Variants in TBL3 observed in about 807,000 individuals in gnomAD.
TBL3 encodes transducin beta like 3, also known as transducin beta-like protein 3.
Under a neutral mutation model 102.7 loss-of-function variants are expected in TBL3, and 71 were observed. The observed-to-expected ratio is 0.69, with a 90% CI of 0.57 to 0.84. The LOEUF is 0.84. Among genes scored for constraint, TBL3 ranks in the 40% least tolerant of loss-of-function variants. TBL3 has a pLI of 0.00. For synonymous variants in TBL3, 578 were observed against 477.7 expected, an observed-to-expected ratio of 1.21 and a Z score of -2.74; for missense variants, 1,188 against 1,098.5, an observed-to-expected ratio of 1.08 and a Z score of -1.15.
At chr16:1,973,140 G>A (rs1203210060) in intron 1 of TBL3, among the ~76,000 whole-genome samples, 4 of 152,204 alleles carry the variant, frequency 2.6e-5, no homozygotes, top group East Asian at 3.9e-4. Flanking sequence ...TGGCAGCAGG[G>A]TTAAGAGGTA....
Position 1,975,701 on chromosome 16 carries a change from G to A in TBL3, c.978G>A (p.Leu326=), listed in dbSNP as rs2083395439. ...LLLYEARSLR[L]QKQFAGYSEE... ...TCTACGAGGCTCGCTCCCTGCGGCTGCAGAAACAGGTGCACACCTGCCCTT... is the reference window on the plus strand; with the variant it reads ...TCTACGAGGCTCGCTCCCTGCGGCTACAGAAACAGGTGCACACCTGCCCTT... Residue 326 remains leucine, a synonymous_variant, in exon 10 of 22, where the codon CTG becomes CTA. Coordinates refer to ENST00000568546, the MANE Select transcript of TBL3 (RefSeq NM_006453.3). 34 of 1,611,876 alleles carry A rather than the reference G, an allele frequency of 2.1e-5. No individual in the cohort carries two copies. Among genetic ancestry groups the A allele is most frequent in the Non-Finnish European group, 2.7e-5 (32 of 1,179,510 alleles).
intron 6 of TBL3, 28 bp from the exon 7 acceptor site, chr16:1,974,900 T>C: frequency 6.2e-7 from 1 of 1,612,456 alleles, no homozygotes. Flanking sequence ...GCTGCACAGC[T>C]CACCCATCCT....
rs1337151452 is a variant in TBL3, at chr16:1,979,195, T to TG, written c.*516dup. 4.2e-6 allele frequency: 6 copies of TG among 1,412,202 alleles called. No homozygotes were observed. The highest frequency in any genetic ancestry group is 5.3e-5 in the Admixed American group (2 of 37,392). 87.5% of individuals were successfully genotyped at this position (1,412,202 alleles called of 1,614,324 possible). ...CCCGGCGAAGGTCGGGTGGGCACGGTGGGGGGAGGGGCGGTGGCCTGGGAG... is the reference window on the plus strand; with the variant it reads ...CCCGGCGAAGGTCGGGTGGGCACGGTGGGGGGGAGGGGCGGTGGCCTGGGAG... On this transcript the variant is annotated 3_prime_UTR_variant, in exon 22 of 22. Transcript: ENST00000568546.
chr16:1,975,012 G>C lies in TBL3; in HGVS notation c.549G>C (p.Gln183His). The C allele has an allele frequency of 6.2e-7, 1 of 1,607,254 alleles. No individual in the cohort carries two copies. The highest frequency in any genetic ancestry group is 8.5e-7 in the Non-Finnish European group (1 of 1,179,978). Residue 183 changes from glutamine to histidine, a missense_variant, in exon 7 of 22, where the codon CAG becomes CAC. Physicochemically the swap from Gln to His is conservative, Grantham distance 24 (BLOSUM62 0). Coordinates refer to ENST00000568546, the MANE Select transcript of TBL3 (RefSeq NM_006453.3). ...TDAAIRVWSLQDRSCLAVLTA... is the reference protein window; with the variant it reads ...TDAAIRVWSLHDRSCLAVLTA... ...CCGCCATCCGCGTGTGGTCACTGCAGGACCGGTCATGCCTGGCTGTGCTGA... is the reference window on the plus strand; with the variant it reads ...CCGCCATCCGCGTGTGGTCACTGCACGACCGGTCATGCCTGGCTGTGCTGA...
rs2083432354 is a variant in TBL3, at chr16:1,978,912, G to GA, written c.*227_*228insA. The GA allele has an allele frequency of 1.8e-6, 2 of 1,103,740 alleles. No individual in the cohort carries two copies. Among genetic ancestry groups the GA allele is most frequent in the African/African-American group, 1.6e-5 (1 of 62,756 alleles). 68.4% of individuals were successfully genotyped at this position (1,103,740 alleles called of 1,614,324 possible). On this transcript the variant is annotated 3_prime_UTR_variant, in exon 22 of 22. Transcript: ENST00000568546. ...CCGCGGCTCCGCACGCTTAGACGGTGGGGGTCATGCAGAACAAGCTTTACT... is the reference window on the plus strand; with the variant it reads ...CCGCGGCTCCGCACGCTTAGACGGTGAGGGGTCATGCAGAACAAGCTTTACT...
At chr16:1,976,377 G>C in intron 13 of TBL3, 63 bp downstream of exon 13, 3 of 1,436,696 alleles carry the variant, frequency 2.1e-6, no homozygotes, top group South Asian at 1.2e-5. Context: ...TGCCAGCAGG[G>C]CTGCCGCTCA....
At chr16:1,977,830 G>C (rs367805747) in intron 18 of TBL3, 30 bp downstream of exon 18, 5 of 1,561,256 alleles carry the variant, frequency 3.2e-6, no homozygotes, top group Non-Finnish European at 4.3e-6. Flanking sequence ...GCCCCTCCCC[G>C]CATCAGCCCT....
rs2083525683 is a variant in TBL3 at position 1,982,669 on chromosome 16, A to G, written c.*3984A>G. The G allele has an allele frequency of 6.6e-6, 1 of 152,264 alleles. No individual in the cohort carries two copies. The highest frequency in any genetic ancestry group is 2.4e-5 in the African/African-American group (1 of 41,400). The allele number at this position is 152,264 out of a possible 1,614,324, so 9.4% of individuals were successfully genotyped here. A position where few individuals can be genotyped will look rare whatever the true frequency, so the allele number is the denominator to read the frequency against. On this transcript the variant is annotated 3_prime_UTR_variant, in exon 22 of 22. Coordinates refer to ENST00000568546, the MANE Select transcript of TBL3 (RefSeq NM_006453.3). ...AGACACAGTGCCTCACCTGTAATCCAAGTACTTTGGGAGGCCGAGGCAGGG... is the reference window on the plus strand; with the variant it reads ...AGACACAGTGCCTCACCTGTAATCCGAGTACTTTGGGAGGCCGAGGCAGGG...
chr16:1,977,875 A>C, intron 18 of TBL3, 75 bp downstream of exon 18: 1 of 1,594,716 alleles, frequency 6.3e-7, no homozygotes, highest in Non-Finnish European at 8.5e-7. Context: ...GCTGAGTGCC[A>C]GGCTCCCTGC....
At position 1,975,189 on chromosome 16, in the gene TBL3, C is replaced by T; in HGVS notation, c.638C>T (p.Ser213Phe). The T allele has an allele frequency of 6.2e-7, 1 of 1,613,820 alleles. No individual in the cohort carries two copies. The highest frequency in any genetic ancestry group is 8.5e-7 in the Non-Finnish European group (1 of 1,180,028). Residue 213 changes from serine to phenylalanine, a missense_variant and splice_region_variant, in exon 8 of 22, where the codon TCC (serine) becomes TTC (phenylalanine). By Grantham distance (155) the Ser-to-Phe change is radical. Coordinates refer to ENST00000568546, the MANE Select transcript of TBL3 (RefSeq NM_006453.3). The part of the protein sequence containing the change: ...FSADGHTMLS[S>F]GRDKICIIWD... ...TGAGGTTGCCGTTGCTCCTTCAGCT[C>T]CGGCCGTGACAAGATATGTATCATC... is the stretch of plus-strand genomic sequence containing the variant.
rs199832489 is a variant in TBL3 at position 1,974,434 on chromosome 16, C to T, written c.237+11C>T. On this transcript the variant is annotated intron_variant, in intron 4 of 21. Coordinates refer to ENST00000568546, the MANE Select transcript of TBL3 (RefSeq NM_006453.3). Reference sequence around the variant, plus strand: ...AGCCCTGACAACGAGGTATGTGGGGCGGGGCCTGGAGGGGACCCGCTCCAG... The same window carrying T: ...AGCCCTGACAACGAGGTATGTGGGGTGGGGCCTGGAGGGGACCCGCTCCAG... 1,127 of 1,605,520 alleles carry T rather than the reference C, an allele frequency of 7.0e-4. 2 individuals are homozygous for T. Among genetic ancestry groups the T allele is most frequent in the Non-Finnish European group, 7.1e-4 (840 of 1,175,798 alleles).
rs1338332399 is a variant in TBL3, at chr16:1,980,179, C to CGGCTGGGAAG, written c.*1498_*1507dup. ...CTCCTCTGGGGTGGGCAGGATCACC[C>CGGCTGGGAAG]GGCTGGGAAGGGCAGCCCGTACGAG... On this transcript the variant is annotated 3_prime_UTR_variant, in exon 22 of 22. Coordinates refer to ENST00000568546, the MANE Select transcript of TBL3 (RefSeq NM_006453.3). 1 of 1,597,874 alleles carries CGGCTGGGAAG rather than the reference C, an allele frequency of 6.3e-7. No individual in the cohort carries two copies. The highest frequency in any genetic ancestry group is 8.5e-7 in the Non-Finnish European group (1 of 1,175,268).
rs773212371 is a variant in TBL3, at chr16:1,975,456, A to G, written c.805+18A>G. Reference sequence around the variant, plus strand: ...CGACCAAGGTGTGTTGGGCCGGGACATGGGCAGGCGGTAGGGGCTGGGGAA... The same window carrying G: ...CGACCAAGGTGTGTTGGGCCGGGACGTGGGCAGGCGGTAGGGGCTGGGGAA... On this transcript the variant is annotated intron_variant, in intron 9 of 21. Transcript: ENST00000568546. 43 of 1,612,034 alleles carry G rather than the reference A, an allele frequency of 2.7e-5. No homozygotes were observed. In the South Asian group the frequency reaches 4.5e-4, roughly 17 times the overall value.
rs1451324618 is a variant in TBL3 at position 1,979,902 on chromosome 16, G to T, written c.*1217G>T. The T allele has an allele frequency of 1.9e-6, 3 of 1,582,778 alleles. No homozygotes were observed. Among genetic ancestry groups the T allele is most frequent in the Admixed American group, 1.8e-5 (1 of 55,582 alleles). ...GGTCTTCGTTCTCCACCAGCCACCA[G>T]CCTGTGCGCAAGAAGCGGGCAGGGA... is the stretch of plus-strand genomic sequence containing the variant. On this transcript the variant is annotated 3_prime_UTR_variant, in exon 22 of 22. Transcript: ENST00000568546.
Position 1,975,856 on chromosome 16 carries a change from G to A in TBL3, c.1036G>A (p.Glu346Lys), listed in dbSNP as rs780623238. 21 of 1,614,026 alleles carry A rather than the reference G, an allele frequency of 1.3e-5. No individual in the cohort carries two copies. The highest frequency in any genetic ancestry group is 6.7e-5 in the East Asian group (3 of 44,892). ...TTTGGATGTCCGGTTTCTTGGGCCC[G>A]AGGACTCCCACGTTGTCGTGGCCTC... ...EVLDVRFLGPEDSHVVVASNS... is the reference protein window; with the variant it reads ...EVLDVRFLGPKDSHVVVASNS... Residue 346 changes from glutamate to lysine, a missense_variant, in exon 11 of 22, where the codon GAG becomes AAG. By Grantham distance (56) the Glu-to-Lys change is moderately conservative. Coordinates refer to ENST00000568546, the MANE Select transcript of TBL3 (RefSeq NM_006453.3).
At chr16:1,973,732 G>A (rs2150881956) in intron 1 of TBL3, among the ~76,000 whole-genome samples, 1 of 152,298 alleles carries the variant, frequency 6.6e-6, no homozygotes, top group African/African-American at 2.4e-5. Context: ...ACCGCCGGCA[G>A]GGGTGTTCCC....
rs753135975 is a variant in TBL3 at position 1,980,026 on chromosome 16, C to G, written c.*1341C>G. ...GGGGTGCCGCAGCAGCACGTCCAGG[C>G]TCTCCTGGGCCTGCGCCTGAAAAGG... On this transcript the variant is annotated 3_prime_UTR_variant, in exon 22 of 22. Transcript: ENST00000568546. 4 of 1,606,150 alleles carry G rather than the reference C, an allele frequency of 2.5e-6. No homozygotes were observed. The highest frequency in any genetic ancestry group is 3.4e-6 in the Non-Finnish European group (4 of 1,177,694).
At position 1,980,356 on chromosome 16, in the gene TBL3, G is replaced by T; in HGVS notation, c.*1671G>T. Reference sequence around the variant, plus strand: ...CCGCTGCATGCTGGGAGTTTGGGGCGAGTCAGGCACCTGCCGGGTGGCAGC... The same window carrying T: ...CCGCTGCATGCTGGGAGTTTGGGGCTAGTCAGGCACCTGCCGGGTGGCAGC... On this transcript the variant is annotated 3_prime_UTR_variant, in exon 22 of 22. Transcript: ENST00000568546. 2 of 1,596,534 alleles carry T rather than the reference G, an allele frequency of 1.3e-6. No homozygotes were observed.
rs199953677 is a variant in TBL3, at chr16:1,978,439, G to A, written c.2261G>A (p.Arg754Gln). ...GAGCTGCTGGCCTACGAAGGCGTGC[G>A]GGCAGCGCTTGAGGCCCTGCTGCCC... is the stretch of plus-strand genomic sequence containing the variant. ...PEELLAYEGV[R>Q]AALEALLPYT... Residue 754 changes from arginine to glutamine, a missense_variant, in exon 21 of 22, where the codon CGG becomes CAG. Physicochemically the swap from Arg to Gln is conservative, Grantham distance 43. Coordinates refer to ENST00000568546, the MANE Select transcript of TBL3 (RefSeq NM_006453.3). The A allele has an allele frequency of 3.0e-5, 49 of 1,609,858 alleles. No homozygotes were observed. The Middle Eastern group carries it at 4.9e-4, about 16-fold the overall frequency.
Sources: allele counts gnomAD v4.1 joint callset (sites outside exome capture counted in the v4.1 genomes callset), GRCh38; gene constraint gnomAD v4.1.1; transcripts MANE v1.5; gene names NCBI Gene and HGNC (gene_info 2026-07-23, HGNC 2026-07-21).